The following RAB11FIP2 variants were observed in gnomAD, a reference collection of about 807,000 sequenced individuals.
RAB11FIP2 encodes the protein RAB11 family interacting protein 2, also known as rab11 family-interacting protein 2.
RAB11FIP2 carries 16 observed loss-of-function variants against 40.9 expected under a neutral mutation model. That is an observed-to-expected ratio of 0.39 (90% confidence interval 0.26 to 0.59). RAB11FIP2 has a LOEUF of 0.59. Among genes scored for constraint, RAB11FIP2 ranks in the 20% least tolerant of loss-of-function variants. The pLI is 0.53. For synonymous variants in RAB11FIP2, 228 were observed against 213.7 expected (o/e 1.07, Z -0.58); for missense variants, 532 against 606.2 (o/e 0.88, Z 1.28).
At chr10:118,034,151 C>G (rs1012733691) in intron 3 of RAB11FIP2, 17 of 654,744 alleles carry the variant, frequency 2.6e-5, no homozygotes, top group Non-Finnish European at 1.1e-5. Flanking sequence ...CGGCTGTGTT[C>G]GAACAAAACT....
chr10:118,014,474 T>C (rs1846192699), intron 4 of RAB11FIP2, among the ~76,000 whole-genome samples: 1 of 152,170 alleles, frequency 6.6e-6, no homozygotes, highest in Non-Finnish European at 1.5e-5. Flanking sequence ...CTTCAAATAC[T>C]ACAATAAAGT....
chr10:118,022,300 T>C (rs1225838034), intron 3 of RAB11FIP2, among the ~76,000 whole-genome samples: 1 of 152,188 alleles, frequency 6.6e-6, no homozygotes, highest in Non-Finnish European at 1.5e-5. Flanking sequence ...TGCAACAGCC[T>C]CTTCACAGTC....
intron 3 of RAB11FIP2, among the ~76,000 whole-genome samples, chr10:118,038,080 A>T (rs967155630): frequency 6.6e-6 from 1 of 151,920 alleles, no homozygotes; most frequent in African/African-American, 2.4e-5. Context: ...TGAATCCAAA[A>T]ATGCAGAACC....
chr10:118,042,052 C>G (rs141286175), intron 1 of RAB11FIP2, among the ~76,000 whole-genome samples: 54 of 152,108 alleles, frequency 3.6e-4, no homozygotes, highest in African/African-American at 1.2e-3. Flanking sequence ...GGAAATGAAG[C>G]AGATTATATA....
chr10:118,027,153 T>G (rs1836671972), intron 3 of RAB11FIP2, among the ~76,000 whole-genome samples: 1 of 152,224 alleles, frequency 6.6e-6, no homozygotes, highest in African/African-American at 2.4e-5. Context: ...CAGCACTTTT[T>G]GTACAAGACA....
At chr10:118,031,509 A>G (rs1846413235) in intron 3 of RAB11FIP2, among the ~76,000 whole-genome samples, 1 of 152,038 alleles carries the variant, frequency 6.6e-6, no homozygotes, top group East Asian at 1.9e-4. Flanking sequence ...CTCCTGAGGA[A>G]GGTATGATAC....
At chr10:118,026,780 A>AT (rs1264773778) in intron 3 of RAB11FIP2, among the ~76,000 whole-genome samples, 1 of 152,226 alleles carries the variant, frequency 6.6e-6, no homozygotes, top group Admixed American at 6.5e-5. Flanking sequence ...AATATTCACC[A>AT]TAATAGCTTT....
intron 3 of RAB11FIP2, among the ~76,000 whole-genome samples, chr10:118,027,024 T>C (rs1418528846): frequency 6.6e-6 from 1 of 152,220 alleles, no homozygotes; most frequent in Non-Finnish European, 1.5e-5. Context: ...TATTATTACT[T>C]GGAAAAAAAT....
chr10:118,009,223 G>T lies in RAB11FIP2; in HGVS notation c.1314C>A (p.Asp438Glu). The T allele has an allele frequency of 1.2e-6, 2 of 1,609,282 alleles. No homozygotes were observed. Among genetic ancestry groups the T allele is most frequent in the Non-Finnish European group, 1.7e-6 (2 of 1,176,098 alleles). Residue 438 changes from aspartate (D) to glutamate (E), a missense_variant and splice_region_variant, in exon 5 of 5, where the codon GAC becomes GAA. Physicochemically the swap from Asp to Glu is conservative, Grantham distance 45 (BLOSUM62 2). Transcript: ENST00000355624. ...CTGCAGTGGCATCAAAGGGGTTGCTGTCCTAGAACAGGATAAAGACTGTCA... is the reference window on the plus strand; with the variant it reads ...CTGCAGTGGCATCAAAGGGGTTGCTTTCCTAGAACAGGATAAAGACTGTCA... ...TSNEDLRKIPDSNPFDATAGY... is the reference protein window; with the variant it reads ...TSNEDLRKIPESNPFDATAGY...
At chr10:118,041,362 C>T (rs535898169) in intron 1 of RAB11FIP2, among the ~76,000 whole-genome samples, 2 of 151,974 alleles carry the variant, frequency 1.3e-5, no homozygotes, top group South Asian at 2.1e-4. Flanking sequence ...CCAAATCTTA[C>T]GTTTTAGTCC....
rs558016984 is a variant in RAB11FIP2 at position 118,037,696 on chromosome 10, T to C, written c.1265+1276A>G. ...AGGTCATAGCACTTCTAAGCCAGTA[T>C]TCCCATTCAGGTCTGTACACTCTAT... On this transcript the variant is annotated intron_variant, in intron 3 of 4. Coordinates refer to ENST00000355624, the MANE Select transcript of RAB11FIP2 (RefSeq NM_014904.3). 2.6e-5 allele frequency among the ~76,000 whole-genome samples: 4 copies of C among 152,188 alleles called. No homozygotes were observed. The East Asian group carries it at 7.7e-4, about 29-fold the overall frequency.
Position 118,008,211 on chromosome 10 carries a change from T to A in RAB11FIP2, c.*787A>T, listed in dbSNP as rs984815438. 6.6e-6 allele frequency: 1 copy of A among 152,162 alleles called. No individual in the cohort carries two copies. The highest frequency in any genetic ancestry group is 1.5e-5 in the Non-Finnish European group (1 of 68,012). The allele number at this position is 152,162 out of a possible 1,614,324, so 9.4% of individuals were successfully genotyped here. A position where few individuals can be genotyped will look rare whatever the true frequency, so the allele number is the denominator to read the frequency against. The stretch of plus-strand genomic sequence containing the variant: ...TAATGAAGTCTCCTAAAATTTGTCA[T>A]TCTTTAAAAAAGGACTTGAGATCAT... On this transcript the variant is annotated 3_prime_UTR_variant, in exon 5 of 5. Transcript: ENST00000355624.
Position 118,015,967 on chromosome 10 carries a change from A to G in RAB11FIP2, c.1266-857T>C, listed in dbSNP as rs191728919. Among the ~76,000 whole-genome samples, 11 of 152,356 alleles carry G rather than the reference A, an allele frequency of 7.2e-5. No homozygotes were observed. In the East Asian group the frequency reaches 2.1e-3, roughly 29 times the overall value. On this transcript the variant is annotated intron_variant, in intron 3 of 4. Transcript: ENST00000355624. ...ACTGTAAAATATGTATGTTTTCATT[A>G]TCTGTCCCTTGCCAGTAAAATAACT...
chr10:118,029,268 T>C (rs1846384254), intron 3 of RAB11FIP2, among the ~76,000 whole-genome samples: 1 of 151,278 alleles, frequency 6.6e-6, no homozygotes, highest in Non-Finnish European at 1.5e-5. Context: ...CCATAATGGG[T>C]AAATATTTCT....
rs1272209575 is a variant in RAB11FIP2, at chr10:118,039,129, T to C, written c.1108A>G (p.Arg370Gly). ...FERVTGKKDS[R>G]RSDKLNNGGS... Reference sequence around the variant, plus strand: ...CCATTGTTAAGTTTATCAGATCTTCTGCTATCTTTTTTTCCAGTCACTCTT... The same window carrying C: ...CCATTGTTAAGTTTATCAGATCTTCCGCTATCTTTTTTTCCAGTCACTCTT... Residue 370 changes from arginine (R) to glycine (G), a missense_variant, in exon 3 of 5, where the codon AGA becomes GGA. Arg to Gly is a moderately radical substitution (Grantham distance 125). Coordinates refer to ENST00000355624, the MANE Select transcript of RAB11FIP2 (RefSeq NM_014904.3). 1 of 1,613,850 alleles carries C rather than the reference T, an allele frequency of 6.2e-7. No homozygotes were observed. Among genetic ancestry groups the C allele is most frequent in the South Asian group, 1.1e-5 (1 of 91,056 alleles).
chr10:118,019,763 T>C (rs1846261433), intron 3 of RAB11FIP2, among the ~76,000 whole-genome samples: 1 of 151,368 alleles, frequency 6.6e-6, no homozygotes, highest in Non-Finnish European at 1.5e-5. Context: ...GAGGCAGAGC[T>C]TGCAGTGAGC....
Position 118,020,725 on chromosome 10 carries a change from C to T in RAB11FIP2, c.1266-5615G>A, listed in dbSNP as rs147318607. 1.5e-3 allele frequency among the ~76,000 whole-genome samples: 233 copies of T among 152,308 alleles called. 1 individual carries two copies. The highest frequency in any genetic ancestry group is 2.6e-3 in the Non-Finnish European group (177 of 68,020). ...ACTATTCCTTCTTGATGTCCTTAAC[C>T]CTGCAGACACCTCCCCACTAAACTT... On this transcript the variant is annotated intron_variant, in intron 3 of 4. Transcript: ENST00000355624.
intron 1 of RAB11FIP2, 44 bp from the exon 2 acceptor site, chr10:118,040,609 A>G: frequency 7.3e-7 from 1 of 1,370,182 alleles, no homozygotes; most frequent in Admixed American, 2.4e-5. Context: ...CATAATAGAG[A>G]GAGGATACTG....
chr10:118,019,541 C>T (rs1205910327), intron 3 of RAB11FIP2, among the ~76,000 whole-genome samples: 4 of 151,936 alleles, frequency 2.6e-5, no homozygotes, highest in Admixed American at 6.6e-5. Context: ...TGGGGATTCA[C>T]GGCTGGGCAT....
Sources: allele counts gnomAD v4.1 joint callset (sites outside exome capture counted in the v4.1 genomes callset), GRCh38; gene constraint gnomAD v4.1.1; transcripts MANE v1.5; gene names NCBI Gene and HGNC (gene_info 2026-07-23, HGNC 2026-07-21).